The following TAS2R1 variants were observed in gnomAD, a reference collection of about 807,000 sequenced individuals.
The protein encoded by TAS2R1 is taste 2 receptor member 1, also known as taste receptor type 2 member 1.
For missense variants in TAS2R1, 370 were observed against 353.4 expected, an observed-to-expected ratio of 1.05 and a Z score of -0.38; for synonymous variants, 141 against 134.2, an observed-to-expected ratio of 1.05 and a Z score of -0.35.
At chr5:9,722,280 A>G in the TAS2R1 span, among the ~76,000 whole-genome samples, 1 of 152,228 alleles carries the variant, frequency 6.6e-6, no homozygotes. Flanking sequence ...TCTGCACCCA[A>G]CTTAACTGTG....
the TAS2R1 span, among the ~76,000 whole-genome samples, chr5:9,775,950 G>T: frequency 6.6e-6 from 1 of 152,322 alleles, no homozygotes; most frequent in East Asian, 1.9e-4. Flanking sequence ...TCCCTTGGCT[G>T]CCCCAGCTGG....
chr5:9,887,824 G>A, the TAS2R1 span, among the ~76,000 whole-genome samples: 179 of 152,270 alleles, frequency 1.2e-3, 2 homozygotes, highest in Admixed American at 9.0e-3. Flanking sequence ...TAACACAGGC[G>A]TAAGAAAGCG....
the TAS2R1 span, among the ~76,000 whole-genome samples, chr5:9,767,275 C>A: frequency 5.9e-5 from 9 of 152,024 alleles, no homozygotes; most frequent in South Asian, 1.9e-3. Flanking sequence ...CTCTCTACGT[C>A]GGTGCTCATA....
At chr5:9,664,298 A>G (rs1334009857) in intron 1 of TAS2R1, among the ~76,000 whole-genome samples, 1 of 152,200 alleles carries the variant, frequency 6.6e-6, no homozygotes. Flanking sequence ...TATATCAAAT[A>G]CATCAGATGT....
chr5:9,819,931 T>C, the TAS2R1 span, among the ~76,000 whole-genome samples: 4 of 152,158 alleles, frequency 2.6e-5, no homozygotes, highest in Non-Finnish European at 5.9e-5. Context: ...GAAATGTATT[T>C]GTTCCCATGT....
chr5:9,754,772 C>T, the TAS2R1 span, among the ~76,000 whole-genome samples: 35 of 152,250 alleles, frequency 2.3e-4, no homozygotes, highest in Non-Finnish European at 4.3e-4. Context: ...GAACATTCCA[C>T]GCTCATGGGT....
the TAS2R1 span, among the ~76,000 whole-genome samples, chr5:9,728,982 C>G: frequency 1.3e-5 from 2 of 152,216 alleles, no homozygotes; most frequent in Non-Finnish European, 2.9e-5. Flanking sequence ...AAAGCCTGAG[C>G]TATCTTCTGG....
the TAS2R1 span, among the ~76,000 whole-genome samples, chr5:9,795,869 T>C: frequency 6.6e-6 from 1 of 152,286 alleles, no homozygotes; most frequent in East Asian, 1.9e-4. Context: ...AATATTGTCA[T>C]TTTATAGGGA....
At chr5:9,642,449 G>A (rs530720552) in intron 2 of TAS2R1, among the ~76,000 whole-genome samples, 4 of 152,158 alleles carry the variant, frequency 2.6e-5, no homozygotes, top group Non-Finnish European at 2.9e-5. Flanking sequence ...CTCGGCCCTT[G>A]TAAAGCCTAT....
At chr5:9,729,877 G>GT in the TAS2R1 span, among the ~76,000 whole-genome samples, 1 of 152,058 alleles carries the variant, frequency 6.6e-6, no homozygotes, top group Non-Finnish European at 1.5e-5. Flanking sequence ...CTTTCTTCCT[G>GT]TTTTTTCTCA....
the TAS2R1 span, among the ~76,000 whole-genome samples, chr5:9,730,142 A>C: frequency 6.6e-6 from 1 of 152,338 alleles, no homozygotes; most frequent in African/African-American, 2.4e-5. Flanking sequence ...TTTGGGTATT[A>C]ATTTTACGAA....
At chr5:9,726,481 T>A in the TAS2R1 span, among the ~76,000 whole-genome samples, 1 of 152,160 alleles carries the variant, frequency 6.6e-6, no homozygotes, top group Non-Finnish European at 1.5e-5. Flanking sequence ...GAAGCTTAGT[T>A]CTTTCACTCT....
At chr5:9,666,098 G>T (rs1740627685) in intron 1 of TAS2R1, among the ~76,000 whole-genome samples, 1 of 151,738 alleles carries the variant, frequency 6.6e-6, no homozygotes, top group South Asian at 2.1e-4. Context: ...TTTTAATATT[G>T]CCTATTTCCA....
the TAS2R1 span, among the ~76,000 whole-genome samples, chr5:9,850,176 TG>T: frequency 2.7e-3 from 414 of 152,264 alleles, 1 homozygote; most frequent in African/African-American, 9.3e-3. Flanking sequence ...TTCCCTCCTC[TG>T]GGCTTTAATA....
intron 1 of TAS2R1, among the ~76,000 whole-genome samples, chr5:9,679,261 AAAT>A (rs1411786912): frequency 1.3e-5 from 2 of 152,248 alleles, no homozygotes; most frequent in Non-Finnish European, 2.9e-5. Flanking sequence ...AAACTATTCT[AAAT>A]AATACCGTGA....
At chr5:9,675,424 T>C (rs1199284280) in intron 1 of TAS2R1, among the ~76,000 whole-genome samples, 2 of 149,812 alleles carry the variant, frequency 1.3e-5, no homozygotes, top group African/African-American at 4.9e-5. Flanking sequence ...TTTTTCTTTT[T>C]TTTTTTTTTT....
At chr5:9,732,232 G>A in the TAS2R1 span, among the ~76,000 whole-genome samples, 4 of 152,314 alleles carry the variant, frequency 2.6e-5, no homozygotes, top group East Asian at 1.9e-4. Flanking sequence ...AAGCAAGGAC[G>A]AGGGCAGCCT....
At chr5:9,737,034 T>C in the TAS2R1 span, among the ~76,000 whole-genome samples, 9 of 152,362 alleles carry the variant, frequency 5.9e-5, no homozygotes, top group East Asian at 1.5e-3. Context: ...CTTTACATCT[T>C]CTACCCTTTC....
chr5:9,635,787 C>T (rs1561365478), intron 2 of TAS2R1, among the ~76,000 whole-genome samples: 1 of 151,780 alleles, frequency 6.6e-6, no homozygotes, highest in Non-Finnish European at 1.5e-5. Context: ...TGTAATATTT[C>T]CTGTTTCATT....
Sources: gnomAD v4.1 joint callset for allele counts (sites outside exome capture counted in the v4.1 genomes callset) on GRCh38, gnomAD v4.1.1 for gene constraint, MANE v1.5 for transcripts, NCBI Gene and HGNC (gene_info 2026-07-23, HGNC 2026-07-21) for gene names.